TBCD: variants seen among roughly 807,000 people sequenced by gnomAD.
TBCD encodes tubulin-specific chaperone D.
Under a neutral mutation model 169.3 loss-of-function variants are expected in TBCD, and 105 were observed. The observed-to-expected ratio is 0.62, with a 90% CI of 0.53 to 0.73. The LOEUF is 0.73. Among genes scored for constraint, TBCD ranks in the 30% least tolerant of loss-of-function variants. TBCD has a pLI of 0.00. For missense variants in TBCD, 1,444 were observed against 1,600.1 expected (o/e 0.90, Z 1.66); for synonymous variants, 700 against 643.9 (o/e 1.09, Z -1.32).
chr17:82,932,766 C>T (rs370548206), intron 34 of TBCD, 31 bp downstream of exon 34: 41 of 1,606,638 alleles, frequency 2.6e-5, no homozygotes, highest in Non-Finnish European at 2.9e-5. Flanking sequence ...ACTTCCTTTC[C>T]GATTAAGCCT....
intron 27 of TBCD, 79 bp from the exon 28 acceptor site, chr17:82,926,321 G>C: frequency 2.2e-6 from 3 of 1,386,552 alleles, no homozygotes; most frequent in East Asian, 2.4e-5. Context: ...CTGTGGCTCC[G>C]GGCCAACATT....
rs2050686210 is a variant in TBCD, at chr17:82,802,978, GT to G, written c.950+1986del. On this transcript the variant is annotated intron_variant, in intron 9 of 38. Transcript: ENST00000355528. ...CTTCACGTAATTCTAACGTGGTTGG[GT>G]TTTAGTCCCCGTCTTGTGTTTTTCT... Among the ~76,000 whole-genome samples, 3 of 152,348 alleles carry G rather than the reference GT, an allele frequency of 2.0e-5. No individual in the cohort carries two copies. In the East Asian group the frequency reaches 5.8e-4, roughly 29 times the overall value.
chr17:82,848,800 T>C (rs1006259457), intron 13 of TBCD, among the ~76,000 whole-genome samples: 1 of 151,580 alleles, frequency 6.6e-6, no homozygotes, highest in Non-Finnish European at 1.5e-5. Context: ...CTTCTGCACC[T>C]CTGTGTCTTC....
At chr17:82,888,717 G>C (rs1358891655) in intron 15 of TBCD, among the ~76,000 whole-genome samples, 2 of 152,184 alleles carry the variant, frequency 1.3e-5, no homozygotes, top group Admixed American at 6.5e-5. Context: ...CAGACCCTGG[G>C]TGGCTGTGTT....
intron 17 of TBCD, among the ~76,000 whole-genome samples, chr17:82,899,359 A>AGCGC (rs1192254029): frequency 1.4e-5 from 2 of 142,732 alleles, no homozygotes; most frequent in Admixed American, 1.4e-4. Flanking sequence ...GCGTGTCCGC[A>AGCGC]GTGCGTCCTC....
rs729124 is a variant in TBCD at position 82,929,330 on chromosome 17, A to G, written c.2853-32A>G. Reference sequence around the variant, plus strand: ...CCGCAGCCATGGCGAGATCATTGGCAGCCCGGCCTTGTCTCACTCACTCTC... The same window carrying G: ...CCGCAGCCATGGCGAGATCATTGGCGGCCCGGCCTTGTCTCACTCACTCTC... On this transcript the variant is annotated intron_variant, in intron 31 of 38. Transcript: ENST00000355528. 0.31 allele frequency: 494,154 copies of G among 1,608,648 alleles called. 77,088 individuals are homozygous for G. Among genetic ancestry groups the G allele is most frequent in the East Asian group, 0.4 (17,793 of 44,714 alleles).
chr17:82,876,629 A>T (rs905366943), intron 14 of TBCD, among the ~76,000 whole-genome samples: 5 of 152,242 alleles, frequency 3.3e-5, no homozygotes, highest in South Asian at 2.1e-4. Context: ...GACAGTGTTA[A>T]ATTTGTTGTA....
chr17:82,778,490 A>G (rs1003115498), intron 6 of TBCD, among the ~76,000 whole-genome samples: 1 of 152,052 alleles, frequency 6.6e-6, no homozygotes, highest in Non-Finnish European at 1.5e-5. Context: ...ACAGGGTCTC[A>G]CTCTGTTGCC....
Position 82,875,250 on chromosome 17 carries a change from G to GGTAGC in TBCD, c.1475+4871_1475+4875dup, listed in dbSNP as rs571154459. Reference sequence around the variant, plus strand: ...CCTGATTTCCTCAGTGTCGCACACGGGTAGCTTAAGAGGTGGGATAATTGT... The same window carrying GGTAGC: ...CCTGATTTCCTCAGTGTCGCACACGGGTAGCGTAGCTTAAGAGGTGGGATAATTGT... On this transcript the variant is annotated intron_variant, in intron 14 of 38. Transcript: ENST00000355528. Among the ~76,000 whole-genome samples the GGTAGC allele has an allele frequency of 2.8e-4, 43 of 152,316 alleles. No individual in the cohort carries two copies. In the South Asian group the frequency reaches 8.9e-3, roughly 32 times the overall value.
rs566962380 is a variant in TBCD, at chr17:82,880,096, G to A, written c.1476-4049G>A. ...GTCCACGTCTCGCTTCATCCTTCACGTACCCTATGCCTGTGGTCCTTTCTT... is the reference window on the plus strand; with the variant it reads ...GTCCACGTCTCGCTTCATCCTTCACATACCCTATGCCTGTGGTCCTTTCTT... On this transcript the variant is annotated intron_variant, in intron 14 of 38. Transcript: ENST00000355528. The surrounding 1 kb of genome is among the most constrained non-coding windows in gnomAD (Gnocchi z 5.0). Among the ~76,000 whole-genome samples, 13 of 152,168 alleles carry A rather than the reference G, an allele frequency of 8.5e-5. No individual in the cohort carries two copies. The highest frequency in any genetic ancestry group is 2.0e-4 in the Admixed American group (3 of 15,296).
intron 11 of TBCD, among the ~76,000 whole-genome samples, chr17:82,809,132 C>T (rs992476716): frequency 6.6e-6 from 1 of 152,082 alleles, no homozygotes; most frequent in Admixed American, 6.5e-5. Context: ...CTTTTCAGCC[C>T]AGAGCCTCGT....
chr17:82,762,380 A>G (rs532507735), intron 2 of TBCD, among the ~76,000 whole-genome samples: 1 of 152,074 alleles, frequency 6.6e-6, no homozygotes, highest in South Asian at 2.1e-4. Context: ...TTAGGTAGAC[A>G]GAGGTTTTAT....
At chr17:82,800,394 G>A (rs1240960040) in intron 8 of TBCD, among the ~76,000 whole-genome samples, 1 of 152,096 alleles carries the variant, frequency 6.6e-6, no homozygotes, top group Non-Finnish European at 1.5e-5. Context: ...GAAAAACAGA[G>A]CAAGCCACAG....
Position 82,903,139 on chromosome 17 carries a change from C to G in TBCD, c.1731-266C>G, listed in dbSNP as rs962877574. On this transcript the variant is annotated intron_variant, in intron 18 of 38. Coordinates refer to ENST00000355528, the MANE Select transcript of TBCD (RefSeq NM_005993.5). This position sits in a 1 kb window ranked among gnomAD's most constrained non-coding sequence, Gnocchi z 4.8. ...GCGTGGGGGTGGGGAGGCCGGACAC[C>G]CAATTGCCACCTGGCCCTGAGAAGG... Among the ~76,000 whole-genome samples the G allele has an allele frequency of 1.3e-5, 2 of 152,112 alleles. No individual in the cohort carries two copies. The highest frequency in any genetic ancestry group is 4.8e-5 in the African/African-American group (2 of 41,416).
At chr17:82,914,925 C>T (rs994069928) in intron 23 of TBCD, among the ~76,000 whole-genome samples, 5 of 152,230 alleles carry the variant, frequency 3.3e-5, no homozygotes, top group African/African-American at 9.6e-5. Flanking sequence ...GGTCTTGGCC[C>T]CGCATCTCCC....
In TBCD at chr17:82,920,551, T is replaced by TTTTC; in HGVS notation, c.2039-5_2039-4insTTTC. On this transcript the variant is annotated splice_polypyrimidine_tract_variant and splice_region_variant and intron_variant, in intron 23 of 38. Transcript: ENST00000355528. The surrounding 1 kb of genome is among the most constrained non-coding windows in gnomAD (Gnocchi z 4.1). ...TGCGTCTATCCTTTTTTTTTTTTTTTCCAGTGTGTGTTTTAATAGAAAAGT... is the reference window on the plus strand; with the variant it reads ...TGCGTCTATCCTTTTTTTTTTTTTTTTTTCCCAGTGTGTGTTTTAATAGAAAAGT... The TTTTC allele has an allele frequency of 6.5e-7, 1 of 1,534,746 alleles. No homozygotes were observed. Among genetic ancestry groups the TTTTC allele is most frequent in the Non-Finnish European group, 8.7e-7 (1 of 1,143,076 alleles).
intron 3 of TBCD, among the ~76,000 whole-genome samples, 199 bp downstream of exon 3, chr17:82,764,261 T>C (rs371477935): frequency 2.2e-4 from 33 of 152,346 alleles, no homozygotes; most frequent in African/African-American, 6.3e-4. Context: ...TGTCAGGATA[T>C]TCAGCATCTT....
chr17:82,825,037 A>G (rs2052722589), intron 13 of TBCD, among the ~76,000 whole-genome samples: 1 of 152,168 alleles, frequency 6.6e-6, no homozygotes, highest in African/African-American at 2.4e-5. Context: ...GAGCTATTGC[A>G]GATGACCTTT....
chr17:82,938,009 G>A (rs760350165), intron 35 of TBCD, 40 bp from the exon 36 acceptor site: 28 of 1,609,232 alleles, frequency 1.7e-5, no homozygotes, highest in African/African-American at 5.3e-5. Context: ...TGGCCTGCGC[G>A]GGGTGGGGCT....
Sources: allele counts gnomAD v4.1 joint callset (sites outside exome capture counted in the v4.1 genomes callset), GRCh38; gene constraint gnomAD v4.1.1; non-coding constraint Gnocchi (gnomAD v3.1); transcripts MANE v1.5; gene names NCBI Gene and HGNC (gene_info 2026-07-23, HGNC 2026-07-21).